ADAMTSL1: variants seen among roughly 807,000 people sequenced by gnomAD.
ADAMTSL1 encodes ADAMTS-like protein 1.
A neutral mutation model predicts 201.8 loss-of-function variants in ADAMTSL1; 126 were observed. That is an observed-to-expected ratio of 0.62 (90% confidence interval 0.54 to 0.72). The LOEUF is 0.72. ADAMTSL1 is among the 30% of genes least tolerant of loss of function. The probability of loss-of-function intolerance (pLI) is 0.00; values close to 1 mark genes in which losing one functional copy is unlikely to be tolerated. For synonymous variants in ADAMTSL1, 1,121 were observed against 903.4 expected, an observed-to-expected ratio of 1.24 and a Z score of -4.32; for missense variants, 2,679 against 2,277.8, an observed-to-expected ratio of 1.18 and a Z score of -3.59.
At chr9:17,929,654 G>A (rs937938119) in intron 1 of ADAMTSL1, among the ~76,000 whole-genome samples, 1 of 151,996 alleles carries the variant, frequency 6.6e-6, no homozygotes, top group Non-Finnish European at 1.5e-5. Flanking sequence ...TGCACAATTT[G>A]TTTTCTTTGC....
rs1344695275 is a variant in ADAMTSL1, at chr9:18,225,009, A to G, written c.207+61028A>G. On this transcript the variant is annotated intron_variant, in intron 2 of 29. Transcript: ENST00000680146. ...TCTAAATTTCTCATCTTTTTAAGGT[A>G]TATAAAACTGTTCTTGTAAACTACT... Among the ~76,000 whole-genome samples, 3 of 152,260 alleles carry G rather than the reference A, an allele frequency of 2.0e-5. No individual in the cohort carries two copies. The East Asian group carries it at 5.8e-4, about 29-fold the overall frequency.
rs901921695 is a variant in ADAMTSL1, at chr9:18,558,574, G to A, written c.238-15456G>A. Reference sequence around the variant, plus strand: ...GGTATTTCTGGTTCTAGATCCCTGAGGAATCGCCACACTGTTTTCCACAAT... The same window carrying A: ...GGTATTTCTGGTTCTAGATCCCTGAAGAATCGCCACACTGTTTTCCACAAT... On this transcript the variant is annotated intron_variant, in intron 3 of 28. Transcript: ENST00000380548. Among the ~76,000 whole-genome samples, 3 of 152,300 alleles carry A rather than the reference G, an allele frequency of 2.0e-5. No individual in the cohort carries two copies. In the South Asian group the frequency reaches 6.2e-4, roughly 32 times the overall value.
At chr9:18,673,901 T>C (rs996245415) in intron 9 of ADAMTSL1, among the ~76,000 whole-genome samples, 4 of 152,134 alleles carry the variant, frequency 2.6e-5, no homozygotes, top group Non-Finnish European at 5.9e-5. Flanking sequence ...TGGAAGAGGA[T>C]TGGCATTCTT....
intron 2 of ADAMTSL1, among the ~76,000 whole-genome samples, chr9:18,279,269 G>T (rs1832697136): frequency 6.6e-6 from 1 of 151,832 alleles, no homozygotes; most frequent in Non-Finnish European, 1.5e-5. Context: ...GTATACACAG[G>T]TTTCATTTCC....
At chr9:18,769,866 A>G (rs1820587764) in intron 16 of ADAMTSL1, among the ~76,000 whole-genome samples, 2 of 152,222 alleles carry the variant, frequency 1.3e-5, no homozygotes, top group African/African-American at 4.8e-5. Context: ...CTGAAAAGGA[A>G]GGGACATATA....
intron 3 of ADAMTSL1, among the ~76,000 whole-genome samples, chr9:18,565,281 A>G (rs981073775): frequency 6.6e-6 from 1 of 152,224 alleles, no homozygotes; most frequent in South Asian, 2.1e-4. Context: ...GTTTGAATAT[A>G]TTAGAAAGAG....
At chr9:18,721,452 C>T (rs538190485) in intron 14 of ADAMTSL1, 84 bp from the exon 15 acceptor site, 24 of 1,553,462 alleles carry the variant, frequency 1.5e-5, no homozygotes, top group Middle Eastern at 4.3e-4. Context: ...AGGGACCTCC[C>T]ACCAGCTGCC....
chr9:18,217,972 G>C (rs1167684022), intron 2 of ADAMTSL1, among the ~76,000 whole-genome samples: 2 of 151,928 alleles, frequency 1.3e-5, no homozygotes, highest in East Asian at 3.9e-4. Context: ...GTTCTTTTTA[G>C]CAACCACCAA....
At chr9:18,190,072 C>A (rs1463676065) in intron 2 of ADAMTSL1, among the ~76,000 whole-genome samples, 2 of 152,088 alleles carry the variant, frequency 1.3e-5, no homozygotes, top group Non-Finnish European at 2.9e-5. Context: ...TATAAGTAAC[C>A]TCTAAGGGGA....
intron 1 of ADAMTSL1, among the ~76,000 whole-genome samples, chr9:18,156,475 G>T (rs1353322684): frequency 6.6e-6 from 1 of 151,886 alleles, no homozygotes; most frequent in African/African-American, 2.4e-5. Context: ...AATCCAAAAA[G>T]GTTGATTTCT....
At chr9:18,065,753 G>C (rs1189347516) in intron 1 of ADAMTSL1, among the ~76,000 whole-genome samples, 1 of 152,032 alleles carries the variant, frequency 6.6e-6, no homozygotes, top group Admixed American at 6.5e-5. Context: ...GGCCGAGGCG[G>C]GTGGATCACC....
intron 1 of ADAMTSL1, among the ~76,000 whole-genome samples, chr9:17,974,755 A>G (rs1365238876): frequency 6.6e-6 from 1 of 152,052 alleles, no homozygotes; most frequent in Non-Finnish European, 1.5e-5. Context: ...ATTTGTGTAT[A>G]TCATATTTTA....
chr9:18,406,014 A>C (rs1339252397), intron 2 of ADAMTSL1, among the ~76,000 whole-genome samples: 1 of 152,228 alleles, frequency 6.6e-6, no homozygotes, highest in Non-Finnish European at 1.5e-5. Context: ...TGAGAATGTT[A>C]GGTCTTGAAC....
chr9:18,220,638 C>T (rs1029084288), intron 2 of ADAMTSL1, among the ~76,000 whole-genome samples: 7 of 152,036 alleles, frequency 4.6e-5, no homozygotes, highest in African/African-American at 1.7e-4. Context: ...TTTATTTTTA[C>T]CGTCTTACTT....
Position 18,575,967 on chromosome 9 carries a change from GGTACCTT to G in ADAMTSL1, c.474+1702_474+1708del, listed in dbSNP as rs1397170445. Among the ~76,000 whole-genome samples, 33 of 152,212 alleles carry G rather than the reference GGTACCTT, an allele frequency of 2.2e-4. No homozygotes were observed. The East Asian group carries it at 6.2e-3, about 28-fold the overall frequency. On this transcript the variant is annotated intron_variant, in intron 4 of 28. Coordinates refer to ENST00000380548, the MANE Select transcript of ADAMTSL1 (RefSeq NM_001040272.6). Reference sequence around the variant, plus strand: ...AACTAATCCTGCCAGCAGGCCTCATGGTACCTTAGCAACTGAAAGAGAATCCTATCTC... The same window carrying G: ...AACTAATCCTGCCAGCAGGCCTCATGAGCAACTGAAAGAGAATCCTATCTC...
intron 2 of ADAMTSL1, among the ~76,000 whole-genome samples, chr9:18,349,165 G>A (rs1305693920): frequency 6.6e-6 from 1 of 152,190 alleles, no homozygotes; most frequent in Admixed American, 6.5e-5. Flanking sequence ...TTGAAAATGG[G>A]AAGAAGATGA....
At chr9:18,582,628 C>G (rs1027150975) in intron 4 of ADAMTSL1, among the ~76,000 whole-genome samples, 8 of 152,006 alleles carry the variant, frequency 5.3e-5, no homozygotes, top group African/African-American at 1.9e-4. Context: ...GTGGGTGGAT[C>G]ATGAGGTCAG....
chr9:18,213,048 T>G (rs1287809343), intron 2 of ADAMTSL1, among the ~76,000 whole-genome samples: 1 of 152,218 alleles, frequency 6.6e-6, no homozygotes, highest in Non-Finnish European at 1.5e-5. Flanking sequence ...CAGCCTGACT[T>G]AATGCAAGAC....
intron 2 of ADAMTSL1, among the ~76,000 whole-genome samples, chr9:18,242,471 C>G (rs1811143728): frequency 6.6e-6 from 1 of 152,122 alleles, no homozygotes; most frequent in Non-Finnish European, 1.5e-5. Flanking sequence ...TGTCTACTCT[C>G]TTTAATTCTA....
Sources: allele counts gnomAD v4.1 joint callset (sites outside exome capture counted in the v4.1 genomes callset), GRCh38; gene constraint gnomAD v4.1.1; transcripts MANE v1.5; gene names NCBI Gene and HGNC (gene_info 2026-07-23, HGNC 2026-07-21).